The following CYP27C1 variants were observed in gnomAD, a reference collection of about 807,000 sequenced individuals.
CYP27C1 encodes cytochrome P450 family 27 subfamily C member 1, also known as cytochrome P450 27C1.
In CYP27C1, 29 loss-of-function variants were observed where a neutral mutation model predicts 40.6. The observed-to-expected ratio is 0.71, with a 90% CI of 0.53 to 0.97. The LOEUF is 0.97. Among genes scored for constraint, CYP27C1 ranks in the 50% least tolerant of loss-of-function variants. CYP27C1 has a pLI of 0.00. For missense variants in CYP27C1, 390 were observed against 485.8 expected (o/e 0.80, Z 1.85); for synonymous variants, 198 against 186.8 (o/e 1.06, Z -0.49).
In CYP27C1 at chr2:127,211,369, GTT is replaced by G. The variant is rs371826841; in HGVS notation, c.283-5281_283-5280del. Among the ~76,000 whole-genome samples the G allele has an allele frequency of 4.8e-3, 454 of 94,924 alleles. 6 individuals carry two copies. Among genetic ancestry groups the G allele is most frequent in the African/African-American group, 0.017 (390 of 23,262 alleles). 62.3% of individuals were successfully genotyped at this position (94,924 alleles called of 152,430 possible). A position where few individuals can be genotyped will look rare whatever the true frequency, so the allele number is the denominator to read the frequency against. On this transcript the variant is annotated intron_variant, in intron 1 of 8. Coordinates refer to ENST00000664447, the MANE Select transcript of CYP27C1 (RefSeq NM_001367502.1). ...GATACAGCTAAAGCAGTGTTTTTTT[GTT>G]TTTTTTTTTTTTTTTTTTTTTTTTT...
chr2:127,211,469 G>A (rs919904305), intron 1 of CYP27C1, among the ~76,000 whole-genome samples: 97 of 138,652 alleles, frequency 7.0e-4, no homozygotes, highest in Admixed American at 3.0e-3. Context: ...TGCAAGCTCC[G>A]CCTCCCGGGT....
At position 127,193,332 on chromosome 2, in the gene CYP27C1, G is replaced by T. The variant is rs367995316; in HGVS notation, c.1294-35C>A. ...TCAGGGATGACAGAAAAGGGAAAAGGGGCAGAATCACTCAAGAGCAGGGCA... is the reference window on the plus strand; with the variant it reads ...TCAGGGATGACAGAAAAGGGAAAAGTGGCAGAATCACTCAAGAGCAGGGCA... On this transcript the variant is annotated intron_variant, in intron 7 of 8. Coordinates refer to ENST00000664447, the MANE Select transcript of CYP27C1 (RefSeq NM_001367502.1). 4.3e-5 allele frequency: 69 copies of T among 1,611,334 alleles called. No homozygotes were observed. In the African/African-American group the frequency reaches 8.7e-4, roughly 20 times the overall value.
intron 1 of CYP27C1, among the ~76,000 whole-genome samples, chr2:127,206,528 G>A (rs1573903833): frequency 2.0e-5 from 3 of 152,162 alleles, no homozygotes; most frequent in South Asian, 2.1e-4. Context: ...GGCTGGTCTC[G>A]AACTCTTGGC....
intron 1 of CYP27C1, among the ~76,000 whole-genome samples, chr2:127,215,782 T>C (rs1310841286): frequency 1.3e-5 from 2 of 151,252 alleles, no homozygotes; most frequent in Admixed American, 1.3e-4. Context: ...ATAAGGGACT[T>C]GTACCCAGAA....
At chr2:127,205,355 C>G (rs1029274717) in intron 2 of CYP27C1, among the ~76,000 whole-genome samples, 3 of 152,246 alleles carry the variant, frequency 2.0e-5, no homozygotes, top group Middle Eastern at 6.8e-3. Flanking sequence ...GGATTTGGAC[C>G]GGGGCATCTG....
chr2:127,213,992 T>C (rs1472868171), intron 1 of CYP27C1, among the ~76,000 whole-genome samples: 1 of 152,028 alleles, frequency 6.6e-6, no homozygotes, highest in African/African-American at 2.4e-5. Context: ...CCATCAAAAA[T>C]TGGGCAAAGA....
At chr2:127,210,415 A>T (rs1683312918) in intron 1 of CYP27C1, among the ~76,000 whole-genome samples, 1 of 152,192 alleles carries the variant, frequency 6.6e-6, no homozygotes, top group Admixed American at 6.5e-5. Flanking sequence ...ACACACCAAA[A>T]TATAAAGACC....
At position 127,208,049 on chromosome 2, in the gene CYP27C1, G is replaced by T. The variant is rs1246787070; in HGVS notation, c.283-1959C>A. Among the ~76,000 whole-genome samples the T allele has an allele frequency of 1.3e-5, 2 of 152,154 alleles. No homozygotes were observed. The highest frequency in any genetic ancestry group is 2.9e-5 in the Non-Finnish European group (2 of 68,034). ...ATCTCGAAAAAAGAACAAAGCTGGTGGACCCCCATTTTCCTGTTTCAAGAC... is the reference window on the plus strand; with the variant it reads ...ATCTCGAAAAAAGAACAAAGCTGGTTGACCCCCATTTTCCTGTTTCAAGAC... On this transcript the variant is annotated intron_variant, in intron 1 of 8. Coordinates refer to ENST00000664447, the MANE Select transcript of CYP27C1 (RefSeq NM_001367502.1). The surrounding 1 kb of genome is among the most constrained non-coding windows in gnomAD (Gnocchi z 5.2).
At chr2:127,198,163 T>C (rs1422459656) in intron 5 of CYP27C1, among the ~76,000 whole-genome samples, 1 of 147,582 alleles carries the variant, frequency 6.8e-6, no homozygotes, top group Non-Finnish European at 1.5e-5. Flanking sequence ...GCTACTGGGC[T>C]CCATTCACAG....
Position 127,200,323 on chromosome 2 carries a change from T to C in CYP27C1, c.884-784A>G, listed in dbSNP as rs930177130. ...AGACACCATGAAACACTTTATTCAG[T>C]GTTAGCATTGCTCTAGAACATTGTT... On this transcript the variant is annotated intron_variant, in intron 4 of 8. Coordinates refer to ENST00000664447, the MANE Select transcript of CYP27C1 (RefSeq NM_001367502.1). This position sits in a 1 kb window ranked among gnomAD's most constrained non-coding sequence, Gnocchi z 4.2. Among the ~76,000 whole-genome samples the C allele has an allele frequency of 2.0e-5, 3 of 152,240 alleles. No homozygotes were observed. The highest frequency in any genetic ancestry group is 2.9e-5 in the Non-Finnish European group (2 of 68,036).
At chr2:127,189,939 G>C (rs1682726502) in intron 8 of CYP27C1, among the ~76,000 whole-genome samples, 2 of 152,072 alleles carry the variant, frequency 1.3e-5, no homozygotes, top group South Asian at 4.1e-4. Context: ...ATCCTTTCCA[G>C]GTTTGAATAT....
rs1683087918 is a variant in CYP27C1 at position 127,203,407 on chromosome 2, T to G, written c.638A>C (p.Asn213Thr). The G allele has an allele frequency of 1.2e-6, 2 of 1,613,528 alleles. No homozygotes were observed. The highest frequency in any genetic ancestry group is 4.5e-5 in the East Asian group (2 of 44,872). The change falls in exon 3 of 9, where the codon AAT (asparagine) becomes ACT (threonine). Residue 213 changes from asparagine to threonine, a missense_variant. By Grantham distance (65) the Asn-to-Thr change is moderately conservative. Transcript: ENST00000664447. ...SQAEDGETVT[N>T]VNDLFFKYSM... ...ATATTTGAAGAAAAGATCATTGACA[T>G]TGGTCACGGTTTCTCCATCTTCTGC...
intron 5 of CYP27C1, among the ~76,000 whole-genome samples, chr2:127,198,211 A>ACACACACACACACACG (rs1276568709): frequency 1.3e-5 from 2 of 151,244 alleles, no homozygotes; most frequent in South Asian, 4.2e-4. Flanking sequence ...ACACACACAC[A>ACACACACACACACACG]CACGCACTCA....
At chr2:127,188,653 G>C (rs1403053956) in intron 8 of CYP27C1, among the ~76,000 whole-genome samples, 2 of 151,708 alleles carry the variant, frequency 1.3e-5, no homozygotes, top group Admixed American at 6.6e-5. Context: ...TGTTGATCTT[G>C]GTTCGTACCT....
chr2:127,205,402 C>A (rs1192534349), intron 2 of CYP27C1, among the ~76,000 whole-genome samples: 1 of 152,206 alleles, frequency 6.6e-6, no homozygotes, highest in Non-Finnish European at 1.5e-5. Flanking sequence ...CCGCGGGCCA[C>A]GATCTCTTGG....
At chr2:127,197,791 G>A (rs1033088434) in intron 5 of CYP27C1, among the ~76,000 whole-genome samples, 1 of 151,958 alleles carries the variant, frequency 6.6e-6, no homozygotes, top group African/African-American at 2.4e-5. Flanking sequence ...CCTACACGGC[G>A]ATCATTTTCA....
Position 127,220,185 on chromosome 2 carries a change from C to A in CYP27C1, c.86G>T (p.Arg29Leu), listed in dbSNP as rs1683521484. The A allele has an allele frequency of 6.7e-6, 1 of 149,570 alleles. No individual in the cohort carries two copies. The highest frequency in any genetic ancestry group is 1.5e-5 in the Non-Finnish European group (1 of 67,204). 9.3% of individuals were successfully genotyped at this position (149,570 alleles called of 1,614,324 possible). A position where few individuals can be genotyped will look rare whatever the true frequency, so the allele number is the denominator to read the frequency against. Residue 29 changes from arginine (R) to leucine (L), a missense_variant, in exon 1 of 9, where the codon CGG (arginine) becomes CTG (leucine). Physicochemically the swap from Arg to Leu is moderately radical, Grantham distance 102. Transcript: ENST00000664447. The surrounding 1 kb of genome is among the most constrained non-coding windows in gnomAD (Gnocchi z 4.6). ...GAGCCGTGCGCCCGCGGGTTGAGGC[C>A]GCCGCGGGGCCCCGCCGCCCAGGAG... ...GGLLGGGAPR[R>L]PQPAGARLPA...
intron 1 of CYP27C1, among the ~76,000 whole-genome samples, chr2:127,215,799 G>A (rs1683420707): frequency 6.7e-6 from 1 of 149,668 alleles, no homozygotes; most frequent in South Asian, 2.2e-4. Context: ...AGAATATATA[G>A]AAACTTACAA....
At chr2:127,199,231 G>A (rs1314552311) in intron 5 of CYP27C1, 145 bp downstream of exon 5, 4 of 1,042,324 alleles carry the variant, frequency 3.8e-6, no homozygotes, top group Non-Finnish European at 5.4e-6. Flanking sequence ...AGGTTGCAGT[G>A]AGCCGAGACC....
Sources: gnomAD v4.1 joint callset for allele counts (sites outside exome capture counted in the v4.1 genomes callset) on GRCh38, gnomAD v4.1.1 for gene constraint, Gnocchi (gnomAD v3.1) non-coding constraint, MANE v1.5 for transcripts, NCBI Gene and HGNC (gene_info 2026-07-23, HGNC 2026-07-21) for gene names.